SQLE: variants seen among roughly 807,000 people sequenced by gnomAD.
SQLE encodes squalene epoxidase, also known as squalene monooxygenase.
SQLE carries 29 observed loss-of-function variants against 60.7 expected under a neutral mutation model. The ratio of observed to expected loss-of-function variants is 0.48; its 90% CI spans 0.36 to 0.65. SQLE has a LOEUF of 0.65. SQLE is among the 30% of genes least tolerant of loss of function. SQLE has a pLI of 0.00. For missense variants in SQLE, 605 were observed against 684.1 expected (o/e 0.88, Z 1.29); for synonymous variants, 237 against 246.8 (o/e 0.96, Z 0.37).
chr8:125,018,254 G>A (rs1815142185), intron 8 of SQLE, 53 bp downstream of exon 8: 1 of 1,577,274 alleles, frequency 6.3e-7, no homozygotes, highest in Non-Finnish European at 8.7e-7. Flanking sequence ...ATTTCTGGGG[G>A]TTAAGAGCAG....
Position 125,021,866 on chromosome 8 carries a change from G to C in SQLE, c.1646G>C (p.Ser549Thr), listed in dbSNP as rs780151281. The C allele has an allele frequency of 2.5e-6, 4 of 1,611,068 alleles. No homozygotes were observed. Among genetic ancestry groups the C allele is most frequent in the Admixed American group, 1.7e-5 (1 of 59,624 alleles). ...ATTACAAAACCTCGAGCCCTTCTCA[G>C]TAGTGGTGCTGTATTGTACAAAGCG... is the stretch of plus-strand genomic sequence containing the variant. ...PWITKPRALL[S>T]SGAVLYKACS... The change falls in exon 11 of 11, where the codon AGT becomes ACT. Residue 549 changes from serine (S) to threonine (T), a missense_variant. Transcript: ENST00000265896.
chr8:125,020,689 A>G (rs1239254187), intron 9 of SQLE, 95 bp from the exon 10 acceptor site: 3 of 748,410 alleles, frequency 4.0e-6, no homozygotes, highest in Non-Finnish European at 6.9e-6. Context: ...TATCTGCAAG[A>G]TGTAGCGTTT....
chr8:125,000,676 A>G (rs950369133), intron 1 of SQLE, among the ~76,000 whole-genome samples: 3 of 151,512 alleles, frequency 2.0e-5, no homozygotes, highest in Non-Finnish European at 4.4e-5. Context: ...CTGGTCTCGA[A>G]CTCCTGACCT....
rs769051320 is a variant in SQLE at position 125,020,824 on chromosome 8, C to T, written c.1485C>T (p.Phe495=). The change falls in exon 10 of 11, where the codon TTC becomes TTT. Residue 495 remains phenylalanine, a synonymous_variant. Transcript: ENST00000265896. The part of the protein sequence containing the change: ...HQLRKACFLY[F]KLGGECVAGP... Reference sequence around the variant, plus strand: ...TAAGAAAAGCCTGTTTTCTTTATTTCAAACTTGGTGGCGAATGTGTTGCGG... The same window carrying T: ...TAAGAAAAGCCTGTTTTCTTTATTTTAAACTTGGTGGCGAATGTGTTGCGG... The T allele has an allele frequency of 3.1e-6, 5 of 1,613,324 alleles. No homozygotes were observed. In the South Asian group the frequency reaches 5.5e-5, roughly 18 times the overall value.
In SQLE at chr8:125,016,817, A is replaced by G. The variant is rs1241343199; in HGVS notation, c.1205-1242A>G. 6.6e-6 allele frequency among the ~76,000 whole-genome samples: 1 copy of G among 152,200 alleles called. No homozygotes were observed. Among genetic ancestry groups the G allele is most frequent in the East Asian group, 1.9e-4 (1 of 5,192 alleles). Reference sequence around the variant, plus strand: ...CTAAGTCTTTGGTCATAGCAGCCGTATCTGTATTAAGGGGCACCCCAAGTC... The same window carrying G: ...CTAAGTCTTTGGTCATAGCAGCCGTGTCTGTATTAAGGGGCACCCCAAGTC... On this transcript the variant is annotated intron_variant, in intron 7 of 10. Transcript: ENST00000265896. The surrounding 1 kb of genome is among the most constrained non-coding windows in gnomAD (Gnocchi z 4.1).
At chr8:125,001,946 T>A (rs1365282686) in intron 1 of SQLE, among the ~76,000 whole-genome samples, 1 of 152,210 alleles carries the variant, frequency 6.6e-6, no homozygotes, top group African/African-American at 2.4e-5. Context: ...TACTACAAAA[T>A]TGAATTGTTC....
chr8:125,001,385 A>G (rs758561647), intron 1 of SQLE, among the ~76,000 whole-genome samples: 9 of 151,522 alleles, frequency 5.9e-5, no homozygotes, highest in Non-Finnish European at 1.3e-4. Context: ...CTAAGTTCCC[A>G]TTAGTGCTTA....
At chr8:125,020,749 T>C (rs1325071998) in intron 9 of SQLE, 35 bp from the exon 10 acceptor site, 4 of 1,317,130 alleles carry the variant, frequency 3.0e-6, no homozygotes, top group Non-Finnish European at 4.4e-6. Flanking sequence ...CATAAGTGTG[T>C]ACACATATTT....
chr8:125,017,991 T>G, intron 7 of SQLE, 68 bp from the exon 8 acceptor site: 5 of 1,489,216 alleles, frequency 3.4e-6, no homozygotes, highest in Non-Finnish European at 4.6e-6. Flanking sequence ...CTTTATACAT[T>G]GAGTTATCCT....
intron 1 of SQLE, among the ~76,000 whole-genome samples, chr8:125,000,316 G>A (rs1462333443): frequency 1.3e-5 from 2 of 152,190 alleles, no homozygotes; most frequent in African/African-American, 4.8e-5. Flanking sequence ...GAAGATGAGG[G>A]GGAAGAGTTT....
Position 125,003,196 on chromosome 8 carries a change from T to G in SQLE, c.312T>G (p.Ile104Met). The G allele has an allele frequency of 1.9e-6, 3 of 1,610,410 alleles. No homozygotes were observed. Among genetic ancestry groups the G allele is most frequent in the Non-Finnish European group, 2.5e-6 (3 of 1,178,720 alleles). Reference sequence around the variant, plus strand: ...AACAGCGCAGAAAAGGAACCAATATTTCAGAAACAAGCTTAATAGGAACAG... The same window carrying G: ...AACAGCGCAGAAAAGGAACCAATATGTCAGAAACAAGCTTAATAGGAACAG... ...EARRRRKGTN[I>M]SETSLIGTAA... Residue 104 changes from isoleucine to methionine, a missense_variant, in exon 2 of 11, where the codon ATT becomes ATG. Ile to Met is a conservative substitution (Grantham distance 10). Coordinates refer to ENST00000265896, the MANE Select transcript of SQLE (RefSeq NM_003129.4).
In SQLE at chr8:125,017,621, A is replaced by G. The variant is rs527464010; in HGVS notation, c.1205-438A>G. On this transcript the variant is annotated intron_variant, in intron 7 of 10. Coordinates refer to ENST00000265896, the MANE Select transcript of SQLE (RefSeq NM_003129.4). Reference sequence around the variant, plus strand: ...ACTTGGTGCTCTGTCTCACTGGCCAAGCTGGTACCCAGGCTGACTTTTGGT... The same window carrying G: ...ACTTGGTGCTCTGTCTCACTGGCCAGGCTGGTACCCAGGCTGACTTTTGGT... Among the ~76,000 whole-genome samples, 17 of 152,290 alleles carry G rather than the reference A, an allele frequency of 1.1e-4. 1 individual carries two copies. Among genetic ancestry groups the G allele is most frequent in the Admixed American group, 1.1e-3 (17 of 15,298 alleles).
At chr8:125,012,956 G>A (rs985865049) in intron 7 of SQLE, among the ~76,000 whole-genome samples, 1 of 152,198 alleles carries the variant, frequency 6.6e-6, no homozygotes, top group Non-Finnish European at 1.5e-5. Flanking sequence ...TCCTAGTAGT[G>A]TGAACTAGGC....
At position 125,011,501 on chromosome 8, in the gene SQLE, T is replaced by C. The variant is rs1435331381; in HGVS notation, c.1109-36T>C. 2.7e-6 allele frequency: 4 copies of C among 1,499,598 alleles called. No homozygotes were observed. The South Asian group carries it at 3.6e-5, about 14-fold the overall frequency. The allele number at this position is 1,499,598 out of a possible 1,614,324, so 92.9% of individuals were successfully genotyped here. On this transcript the variant is annotated intron_variant, in intron 6 of 10. Transcript: ENST00000265896. ...GTGATACTTTGAAATTGAAGTGTTA[T>C]GACCCATTTCTTTGGGTTGGTGGGA...
At chr8:125,019,486 A>G (rs1015166057) in intron 9 of SQLE, among the ~76,000 whole-genome samples, 1 of 146,694 alleles carries the variant, frequency 6.8e-6, no homozygotes, top group African/African-American at 2.6e-5. Flanking sequence ...TTGGGACTAT[A>G]TAGCTCACTA....
intron 4 of SQLE, among the ~76,000 whole-genome samples, 160 bp downstream of exon 4, chr8:125,007,647 T>A (rs1814975883): frequency 6.6e-6 from 1 of 152,242 alleles, no homozygotes; most frequent in Non-Finnish European, 1.5e-5. Context: ...TTTTTTCAGA[T>A]GTTTGCATTA....
At chr8:125,004,544 C>T (rs1814916515) in intron 2 of SQLE, among the ~76,000 whole-genome samples, 1 of 151,544 alleles carries the variant, frequency 6.6e-6, no homozygotes, top group Non-Finnish European at 1.5e-5. Flanking sequence ...TGATGGTGTC[C>T]TGTTGTTTCA....
chr8:125,012,342 G>T (rs1815050998), intron 7 of SQLE, among the ~76,000 whole-genome samples: 1 of 152,166 alleles, frequency 6.6e-6, no homozygotes, highest in African/African-American at 2.4e-5. Flanking sequence ...CACAGTGTGT[G>T]CATCACCACC....
At position 125,021,891 on chromosome 8, in the gene SQLE, G is replaced by A. The variant is rs374932563; in HGVS notation, c.1671G>A (p.Ala557=). Residue 557 remains alanine (A), a synonymous_variant, in exon 11 of 11, where the codon GCG becomes GCA. Coordinates refer to ENST00000265896, the MANE Select transcript of SQLE (RefSeq NM_003129.4). ...LLSSGAVLYK[A]CSVIFPLIYS... is the part of the protein sequence containing the mutation. Reference sequence around the variant, plus strand: ...GTAGTGGTGCTGTATTGTACAAAGCGTGTTCTGTAATATTTCCTCTAATTT... The same window carrying A: ...GTAGTGGTGCTGTATTGTACAAAGCATGTTCTGTAATATTTCCTCTAATTT... 259 of 1,609,966 alleles carry A rather than the reference G, an allele frequency of 1.6e-4. 1 individual carries two copies. The highest frequency in any genetic ancestry group is 2.1e-4 in the Non-Finnish European group (245 of 1,177,770).
Sources: allele counts gnomAD v4.1 joint callset (sites outside exome capture counted in the v4.1 genomes callset), GRCh38; gene constraint gnomAD v4.1.1; non-coding constraint Gnocchi (gnomAD v3.1); transcripts MANE v1.5; gene names NCBI Gene and HGNC (gene_info 2026-07-23, HGNC 2026-07-21).